PARVA: variants seen among roughly 807,000 people sequenced by gnomAD.
The protein encoded by PARVA is parvin alpha, also known as alpha-parvin.
PARVA carries 25 observed loss-of-function variants against 52.6 expected under a neutral mutation model. The ratio of observed to expected loss-of-function variants is 0.48; its 90% CI spans 0.35 to 0.66. The LOEUF (loss-of-function observed/expected upper bound fraction) is 0.66, where lower values mean the gene tolerates loss of function less well. PARVA is among the 30% of genes least tolerant of loss of function. The pLI is 0.01. For missense variants in PARVA, 373 were observed against 450.9 expected, an observed-to-expected ratio of 0.83 and a Z score of 1.56; for synonymous variants, 185 against 179.1, an observed-to-expected ratio of 1.03 and a Z score of -0.26.
At chr11:12,409,356 C>T (rs74941803) in intron 1 of PARVA, among the ~76,000 whole-genome samples, 4 of 152,024 alleles carry the variant, frequency 2.6e-5, no homozygotes, top group Admixed American at 6.5e-5. Flanking sequence ...AGTGGCAGCC[C>T]GAAAGTGTCT....
chr11:12,485,342 G>A (rs1465519892), intron 4 of PARVA, among the ~76,000 whole-genome samples: 1 of 152,152 alleles, frequency 6.6e-6, no homozygotes, highest in Non-Finnish European at 1.5e-5. Context: ...CAGCTCCCAG[G>A]TCGTGGTTTT....
chr11:12,485,860 C>A lies in PARVA; in HGVS notation c.400+7911C>A, dbSNP rs182831658. 3.1e-3 allele frequency among the ~76,000 whole-genome samples: 471 copies of A among 152,202 alleles called. 1 individual carries two copies. Among genetic ancestry groups the A allele is most frequent in the Non-Finnish European group, 4.8e-3 (328 of 68,010 alleles). On this transcript the variant is annotated intron_variant, in intron 4 of 12. Coordinates refer to ENST00000334956, the MANE Select transcript of PARVA (RefSeq NM_018222.5). ...TTCTGTGGTCTTCCTCCCCAGCCTA[C>A]CCATGAGAAAAATATAGGAAAAATC...
intron 1 of PARVA, among the ~76,000 whole-genome samples, chr11:12,449,916 T>C (rs2135013153): frequency 6.6e-6 from 1 of 152,350 alleles, no homozygotes; most frequent in East Asian, 1.9e-4. Flanking sequence ...AGGATTCTAC[T>C]CCCCAGATTC....
chr11:12,501,225 A>C (rs1336351845), intron 5 of PARVA, among the ~76,000 whole-genome samples: 1 of 152,156 alleles, frequency 6.6e-6, no homozygotes, highest in African/African-American at 2.4e-5. Context: ...ATATACATAC[A>C]TATGTATATG....
In PARVA at chr11:12,513,350, T is replaced by G; in HGVS notation, c.788T>G (p.Val263Gly). ...GACCATGCCCCAGACAAGCTGAATG[T>G]GGTGAAAAAGGTGGGAAAGGGGTGC... is the stretch of plus-strand genomic sequence containing the variant. ...LFDHAPDKLN[V>G]VKKTLITFVN... Residue 263 changes from valine to glycine, a missense_variant, in exon 9 of 13, where the codon GTG (valine) becomes GGG (glycine). Val to Gly is a moderately radical substitution (Grantham distance 109, BLOSUM62 -3). Coordinates refer to ENST00000334956, the MANE Select transcript of PARVA (RefSeq NM_018222.5). 1 of 1,613,758 alleles carries G rather than the reference T, an allele frequency of 6.2e-7. No homozygotes were observed. Among genetic ancestry groups the G allele is most frequent in the Non-Finnish European group, 8.5e-7 (1 of 1,179,718 alleles).
intron 1 of PARVA, among the ~76,000 whole-genome samples, chr11:12,457,333 T>C (rs1417824713): frequency 6.6e-6 from 1 of 152,254 alleles, no homozygotes; most frequent in African/African-American, 2.4e-5. Flanking sequence ...GCAATGGGTC[T>C]GTGCTGCACA....
intron 1 of PARVA, among the ~76,000 whole-genome samples, chr11:12,403,145 C>G (rs558217779): frequency 1.3e-5 from 2 of 152,360 alleles, no homozygotes; most frequent in East Asian, 3.9e-4. Flanking sequence ...CTTCTCTCTC[C>G]CTTTTTCCCA....
At chr11:12,475,095 C>A (rs1940991067) in intron 3 of PARVA, among the ~76,000 whole-genome samples, 1 of 152,206 alleles carries the variant, frequency 6.6e-6, no homozygotes, top group Non-Finnish European at 1.5e-5. Flanking sequence ...GGTGTTTAGA[C>A]TCCTTGCTCT....
At chr11:12,438,451 C>T (rs547032556) in intron 1 of PARVA, among the ~76,000 whole-genome samples, 1 of 152,068 alleles carries the variant, frequency 6.6e-6, no homozygotes, top group Non-Finnish European at 1.5e-5. Context: ...CAGGAGTCCA[C>T]TCCCAGGATA....
intron 1 of PARVA, among the ~76,000 whole-genome samples, chr11:12,446,324 C>T (rs1280534681): frequency 6.6e-6 from 1 of 152,198 alleles, no homozygotes; most frequent in East Asian, 1.9e-4. Flanking sequence ...CCACTCCCAC[C>T]TACTACAATA....
At chr11:12,510,529 T>A (rs1310176555) in intron 7 of PARVA, among the ~76,000 whole-genome samples, 8 of 152,130 alleles carry the variant, frequency 5.3e-5, no homozygotes, top group Non-Finnish European at 1.2e-4. Flanking sequence ...ATGAGTTTTT[T>A]TTCCACACTT....
At chr11:12,400,607 A>G (rs1452110494) in intron 1 of PARVA, among the ~76,000 whole-genome samples, 2 of 150,364 alleles carry the variant, frequency 1.3e-5, no homozygotes, top group Admixed American at 1.3e-4. Flanking sequence ...TAGCAAGTGT[A>G]TGGGACTTTT....
At chr11:12,523,189 G>A (rs1187069533) in intron 12 of PARVA, among the ~76,000 whole-genome samples, 2 of 152,192 alleles carry the variant, frequency 1.3e-5, no homozygotes, top group African/African-American at 4.8e-5. Context: ...AGGTCACCAC[G>A]AAAAGGAGCA....
At chr11:12,520,048 A>C (rs1941617779) in intron 12 of PARVA, among the ~76,000 whole-genome samples, 1 of 152,234 alleles carries the variant, frequency 6.6e-6, no homozygotes, top group Non-Finnish European at 1.5e-5. Context: ...GATTGGAAGT[A>C]CTTCTGCTAT....
intron 1 of PARVA, among the ~76,000 whole-genome samples, chr11:12,454,634 G>T (rs181634232): frequency 6.6e-6 from 1 of 151,064 alleles, no homozygotes. Context: ...CAATTACAAA[G>T]GTAGATAGTG....
At chr11:12,435,789 T>TTTTG (rs1554895629) in intron 1 of PARVA, among the ~76,000 whole-genome samples, 2 of 152,018 alleles carry the variant, frequency 1.3e-5, no homozygotes, top group Admixed American at 6.6e-5. Context: ...TCTCTGTTTT[T>TTTTG]TTGTTGTTGT....
chr11:12,513,040 A>C, intron 8 of PARVA: 2 of 650,200 alleles, frequency 3.1e-6, no homozygotes, highest in Non-Finnish European at 5.7e-6. Flanking sequence ...GGGTCACACT[A>C]CCTAAAAGAG....
chr11:12,469,508 T>C (rs1940902707), intron 1 of PARVA, among the ~76,000 whole-genome samples: 1 of 152,156 alleles, frequency 6.6e-6, no homozygotes, highest in Non-Finnish European at 1.5e-5. Context: ...TCTCTTTCAG[T>C]GCGTGAGGAT....
chr11:12,407,050 G>C (rs772872882), intron 1 of PARVA, among the ~76,000 whole-genome samples: 38 of 152,052 alleles, frequency 2.5e-4, no homozygotes, highest in Non-Finnish European at 3.8e-4. Flanking sequence ...TTAGACCCTA[G>C]AATATATTCA....
Sources: gnomAD v4.1 joint callset for allele counts (sites outside exome capture counted in the v4.1 genomes callset) on GRCh38, gnomAD v4.1.1 for gene constraint, MANE v1.5 for transcripts, NCBI Gene and HGNC (gene_info 2026-07-23, HGNC 2026-07-21) for gene names.